Variants in ANOS1 observed in about 807,000 individuals in gnomAD.
ANOS1 encodes anosmin-1.
A neutral mutation model predicts 59.0 loss-of-function variants in ANOS1; 6 were observed. The observed-to-expected ratio is 0.10, with a 90% confidence interval of 0.06 to 0.20. ANOS1 has a LOEUF of 0.20. Ranked by LOEUF, ANOS1 falls within the 10% of genes least tolerant of loss-of-function variation. The pLI is 1.00. For synonymous variants in ANOS1, 217 were observed against 223.4 expected, an observed-to-expected ratio of 0.97 and a Z score of 0.25; for missense variants, 433 against 542.3, an observed-to-expected ratio of 0.80 and a Z score of 2.00.
Position 8,529,946 on chromosome X carries a change from T to G in ANOS1, c.*3049A>C, listed in dbSNP as rs1367268509. On this transcript the variant is annotated 3_prime_UTR_variant, in exon 14 of 14. Coordinates refer to ENST00000262648, the MANE Select transcript of ANOS1 (RefSeq NM_000216.4). ...AAAGTCAATAGTGTTGAGGTTGAGATGAACCTCTGTATACAGTCGGCTATG... is the reference window on the plus strand; with the variant it reads ...AAAGTCAATAGTGTTGAGGTTGAGAGGAACCTCTGTATACAGTCGGCTATG... 2 of 111,925 alleles carry G rather than the reference T, an allele frequency of 1.8e-5. No individual in the cohort carries two copies. Among genetic ancestry groups the G allele is most frequent in the African/African-American group, 6.5e-5 (2 of 30,782 alleles). The allele number at this position is 111,925 out of a possible 1,213,427, so 9.2% of individuals were successfully genotyped here.
chrX:8,615,289 A>G (rs1415844956), intron 3 of ANOS1, among the ~76,000 whole-genome samples: 5 of 111,828 alleles, frequency 4.5e-5, no homozygotes, highest in African/African-American at 1.6e-4. Context: ...TCACGCCTGT[A>G]ATTCCAACAC....
intron 2 of ANOS1, among the ~76,000 whole-genome samples, chrX:8,697,886 CTA>C (rs1019231411): frequency 3.3e-4 from 37 of 111,716 alleles, no homozygotes; most frequent in African/African-American, 1.2e-3. Context: ...AAACTGATGA[CTA>C]TGTGACTACG....
At chrX:8,584,562 T>C (rs1172946145) in intron 6 of ANOS1, among the ~76,000 whole-genome samples, 4 of 112,342 alleles carry the variant, frequency 3.6e-5, no homozygotes, top group Non-Finnish European at 7.5e-5. Flanking sequence ...AAGAGACTAA[T>C]GTAACTAATC....
intron 2 of ANOS1, among the ~76,000 whole-genome samples, chrX:8,675,515 T>C (rs778533740): frequency 3.4e-4 from 37 of 110,366 alleles, no homozygotes; most frequent in Admixed American, 9.7e-4. Flanking sequence ...CTATTGCAAG[T>C]GGAGCTGAAA....
chrX:8,610,353 C>A (rs1397603586), intron 3 of ANOS1, among the ~76,000 whole-genome samples: 1 of 111,781 alleles, frequency 8.9e-6, no homozygotes, highest in Non-Finnish European at 1.9e-5. Flanking sequence ...AGATGAGCTA[C>A]AATTTTGCCA....
intron 4 of ANOS1, among the ~76,000 whole-genome samples, chrX:8,595,791 G>A (rs1038788224): frequency 7.2e-5 from 8 of 111,409 alleles, no homozygotes; most frequent in African/African-American, 2.6e-4. Context: ...CCACTGACTG[G>A]TAGCAGTCTG....
At chrX:8,648,338 G>A (rs887041472) in intron 2 of ANOS1, among the ~76,000 whole-genome samples, 2 of 109,381 alleles carry the variant, frequency 1.8e-5, no homozygotes, top group African/African-American at 3.3e-5. Flanking sequence ...GTGGGTGCTT[G>A]TAATCCCAGC....
chrX:8,638,968 C>T (rs757772187), intron 2 of ANOS1, among the ~76,000 whole-genome samples: 2 of 111,183 alleles, frequency 1.8e-5, no homozygotes, highest in African/African-American at 6.5e-5. Context: ...AAGACATGTA[C>T]GTTTCCTTTA....
At chrX:8,563,675 G>C (rs899818342) in intron 8 of ANOS1, among the ~76,000 whole-genome samples, 1 of 112,394 alleles carries the variant, frequency 8.9e-6, no homozygotes, top group Non-Finnish European at 1.9e-5. Context: ...GTGTGGCACA[G>C]AGCTGGTTGA....
chrX:8,654,562 G>A (rs1931900352), intron 2 of ANOS1, among the ~76,000 whole-genome samples: 3 of 112,358 alleles, frequency 2.7e-5, no homozygotes, highest in African/African-American at 9.7e-5. Context: ...AAGTGTAGAA[G>A]CAGTACACTT....
At chrX:8,644,182 C>T (rs1014344869) in intron 2 of ANOS1, among the ~76,000 whole-genome samples, 4 of 111,683 alleles carry the variant, frequency 3.6e-5, no homozygotes, top group African/African-American at 1.3e-4. Context: ...GACGAAAATA[C>T]CGTTATGCAG....
At chrX:8,619,367 A>T (rs1401579622) in intron 3 of ANOS1, among the ~76,000 whole-genome samples, 8 of 111,727 alleles carry the variant, frequency 7.2e-5, no homozygotes, top group Non-Finnish European at 1.3e-4. Flanking sequence ...GCACTTTGGG[A>T]GGCCAAGGCG....
intron 2 of ANOS1, among the ~76,000 whole-genome samples, chrX:8,687,977 A>G (rs1447839715): frequency 8.9e-6 from 1 of 112,248 alleles, no homozygotes; most frequent in Non-Finnish European, 1.9e-5. Context: ...TAGACTACGC[A>G]CAAACACAAA....
intron 2 of ANOS1, among the ~76,000 whole-genome samples, chrX:8,693,727 G>T (rs1932640389): frequency 1.0e-5 from 1 of 99,612 alleles, no homozygotes; most frequent in Admixed American, 1.1e-4. Context: ...AAGGAATATT[G>T]CATGAATTTT....
chrX:8,641,011 ATACT>A (rs773638022), intron 2 of ANOS1, among the ~76,000 whole-genome samples: 155 of 112,361 alleles, frequency 1.4e-3, no homozygotes, highest in African/African-American at 4.8e-3. Flanking sequence ...CTAAGAATAG[ATACT>A]TACTTCCTCA....
intron 6 of ANOS1, among the ~76,000 whole-genome samples, chrX:8,576,953 C>A (rs770079376): frequency 9.0e-6 from 1 of 110,890 alleles, no homozygotes; most frequent in African/African-American, 3.3e-5. Context: ...GCTTTGCGGA[C>A]CATATGGTCT....
chrX:8,603,307 C>T (rs964900514), intron 3 of ANOS1, among the ~76,000 whole-genome samples: 6 of 111,385 alleles, frequency 5.4e-5, no homozygotes, highest in East Asian at 2.8e-4. Context: ...CATATGTTAA[C>T]GAATAGATAT....
At chrX:8,573,056 AT>A (rs34564264) in intron 6 of ANOS1, among the ~76,000 whole-genome samples, 1,639 of 81,092 alleles carry the variant, frequency 0.02, 36 homozygotes, top group African/African-American at 0.07. Context: ...ACTCTACTGG[AT>A]TTTTTTTTTT....
chrX:8,580,354 T>C (rs765352693), intron 6 of ANOS1, among the ~76,000 whole-genome samples: 2 of 112,212 alleles, frequency 1.8e-5, no homozygotes, highest in South Asian at 7.4e-4. Context: ...ATATAAAAAT[T>C]ATCCAAAACT....
Sources: gnomAD v4.1 joint callset for allele counts (sites outside exome capture counted in the v4.1 genomes callset) on GRCh38, gnomAD v4.1.1 for gene constraint, MANE v1.5 for transcripts, NCBI Gene and HGNC (gene_info 2026-07-23, HGNC 2026-07-21) for gene names.